Variants in MYH14 observed in about 807,000 individuals in gnomAD.
The protein encoded by MYH14 is myosin-14.
A neutral mutation model predicts 255.5 loss-of-function variants in MYH14; 123 were observed. The observed-to-expected ratio is 0.48, with a 90% CI of 0.42 to 0.56. MYH14 has a LOEUF of 0.56. Among genes scored for constraint, MYH14 ranks in the 20% least tolerant of loss-of-function variants. The probability of loss-of-function intolerance (pLI) is 0.00; values close to 1 mark genes in which losing one functional copy is unlikely to be tolerated. For synonymous variants in MYH14, 1,095 were observed against 1,161.2 expected, an observed-to-expected ratio of 0.94 and a Z score of 1.16; for missense variants, 2,423 against 2,802.3, an observed-to-expected ratio of 0.86 and a Z score of 3.06.
At chr19:50,262,671 G>T (rs1296202775) in intron 21 of MYH14, among the ~76,000 whole-genome samples, 1 of 152,042 alleles carries the variant, frequency 6.6e-6, no homozygotes, top group African/African-American at 2.4e-5. Context: ...GTCAGCTCTG[G>T]GTGTAGAAAG....
At chr19:50,303,611 A>G (rs572044483) in intron 40 of MYH14, among the ~76,000 whole-genome samples, 1 of 150,780 alleles carries the variant, frequency 6.6e-6, no homozygotes, top group East Asian at 1.9e-4. Context: ...AGGGGTGAGA[A>G]CTGGGACCAT....
chr19:50,261,459 C>G lies in MYH14; in HGVS notation c.2425-16C>G. 1 of 1,401,246 alleles carries G rather than the reference C, an allele frequency of 7.1e-7. No individual in the cohort carries two copies. Among genetic ancestry groups the G allele is most frequent in the South Asian group, 1.4e-5 (1 of 71,612 alleles). 86.8% of individuals were successfully genotyped at this position (1,401,246 alleles called of 1,614,324 possible). On this transcript the variant is annotated splice_polypyrimidine_tract_variant and intron_variant, in intron 20 of 42. Transcript: ENST00000642316. ...TCACCCCCTCTCCGTCATCACCCCT[C>G]TCCCACCCCTCACAGATCCAGGCGC... is the stretch of plus-strand genomic sequence containing the variant.
intron 21 of MYH14, among the ~76,000 whole-genome samples, chr19:50,262,709 T>C (rs569500756): frequency 3.3e-5 from 5 of 151,576 alleles, no homozygotes; most frequent in South Asian, 4.2e-4. Flanking sequence ...TGGGATGGGC[T>C]GATAGGAGAG....
chr19:50,286,479 A>T lies in MYH14; in HGVS notation c.4540-3A>T. 1 of 1,610,628 alleles carries T rather than the reference A, an allele frequency of 6.2e-7. No homozygotes were observed. The highest frequency in any genetic ancestry group is 1.1e-5 in the South Asian group (1 of 90,586). On this transcript the variant is annotated splice_region_variant and splice_polypyrimidine_tract_variant and intron_variant, in intron 33 of 42. Coordinates refer to ENST00000642316, the MANE Select transcript of MYH14 (RefSeq NM_001145809.2). ...CCCTACCCCATCTCCCTCAAACTGG[A>T]AGCTTCTGGCAGAGGAGAAGGCAGC...
chr19:50,279,929 C>T (rs2035648626), intron 30 of MYH14, 108 bp from the exon 31 acceptor site: 1 of 836,810 alleles, frequency 1.2e-6, no homozygotes, highest in Non-Finnish European at 2.0e-6. Flanking sequence ...TTTTCCACGG[C>T]AGCTGTAACA....
chr19:50,309,768 C>A lies in MYH14; in HGVS notation c.6089C>A (p.Ser2030Tyr), dbSNP rs1011828838. 6.4e-7 allele frequency: 1 copy of A among 1,572,988 alleles called. No homozygotes were observed. Among genetic ancestry groups the A allele is most frequent in the Admixed American group, 1.8e-5 (1 of 55,692 alleles). The change falls in exon 43 of 43, where the codon TCC becomes TAC. Residue 2030 changes from serine to tyrosine, a missense_variant. Ser to Tyr is a moderately radical substitution (Grantham distance 144, BLOSUM62 -2). Coordinates refer to ENST00000642316, the MANE Select transcript of MYH14 (RefSeq NM_001145809.2). ...GGGCCATCCCCGGAGCCTGAGGGGTCCCCACCAGCCCACCCCCAGTGACCC... is the reference window on the plus strand; with the variant it reads ...GGGCCATCCCCGGAGCCTGAGGGGTACCCACCAGCCCACCCCCAGTGACCC... ...GSGPSPEPEG[S>Y]PPAHPQ
chr19:50,291,063 G>A lies in MYH14; in HGVS notation c.5127+15G>A. 1 of 1,610,740 alleles carries A rather than the reference G, an allele frequency of 6.2e-7. No homozygotes were observed. The highest frequency in any genetic ancestry group is 1.7e-5 in the Admixed American group (1 of 59,718). On this transcript the variant is annotated intron_variant, in intron 36 of 42. Coordinates refer to ENST00000642316, the MANE Select transcript of MYH14 (RefSeq NM_001145809.2). The stretch of plus-strand genomic sequence containing the variant: ...GCAAGATGCAGGTAAGAGCCGGCGT[G>A]AGCTGCAGGGAGGGGAGGCTTTGGT...
At chr19:50,225,397 G>A (rs1249092853) in intron 6 of MYH14, among the ~76,000 whole-genome samples, 188 bp from the exon 7 acceptor site, 1 of 152,196 alleles carries the variant, frequency 6.6e-6, no homozygotes, top group East Asian at 1.9e-4. Flanking sequence ...TCTTGGAGAT[G>A]CTTCCCTCTT....
chr19:50,216,896 C>T (rs1051920312), intron 2 of MYH14, among the ~76,000 whole-genome samples: 16 of 151,034 alleles, frequency 1.1e-4, no homozygotes, highest in African/African-American at 3.7e-4. Context: ...CAACCTCCGC[C>T]TGCCAGGTTC....
At chr19:50,231,631 T>C (rs576335322) in intron 9 of MYH14, among the ~76,000 whole-genome samples, 3 of 152,134 alleles carry the variant, frequency 2.0e-5, no homozygotes, top group Admixed American at 2.0e-4. Flanking sequence ...GAGGATTGCT[T>C]GAGCCCAGGA....
intron 2 of MYH14, among the ~76,000 whole-genome samples, chr19:50,216,801 CT>C (rs200626930): frequency 4.6e-3 from 519 of 112,706 alleles, no homozygotes; most frequent in East Asian, 0.016. Flanking sequence ...TCCATCCTTT[CT>C]TTTTTTTTTT....
chr19:50,251,797 C>T (rs145465932), intron 15 of MYH14, among the ~76,000 whole-genome samples: 2,115 of 152,210 alleles, frequency 0.014, 47 homozygotes, highest in African/African-American at 0.047. Flanking sequence ...AGGCTGCTCT[C>T]GAACTCCTGA....
intron 25 of MYH14, 82 bp from the exon 26 acceptor site, chr19:50,271,767 A>G (rs2035309975): frequency 6.3e-7 from 1 of 1,581,856 alleles, no homozygotes; most frequent in African/African-American, 1.4e-5. Context: ...AGATGAGAAC[A>G]ACACCAGAAG....
At chr19:50,289,707 A>G in intron 35 of MYH14, 59 bp downstream of exon 35, 1 of 1,491,614 alleles carries the variant, frequency 6.7e-7, no homozygotes, top group Non-Finnish European at 9.1e-7. Flanking sequence ...CATGGTGTGT[A>G]CAGGCAGCAA....
At chr19:50,289,771 G>C in intron 35 of MYH14, 123 bp downstream of exon 35, 1 of 833,972 alleles carries the variant, frequency 1.2e-6, no homozygotes, top group Non-Finnish European at 1.9e-6. Flanking sequence ...TCCTCCACCC[G>C]CCGACCACTC....
chr19:50,276,522 C>T lies in MYH14; in HGVS notation c.3681-235C>T, dbSNP rs994268117. Among the ~76,000 whole-genome samples the T allele has an allele frequency of 6.6e-6, 1 of 152,076 alleles. No homozygotes were observed. Among genetic ancestry groups the T allele is most frequent in the African/African-American group, 2.4e-5 (1 of 41,398 alleles). ...CCCCTAAACCAAGTCTATGGGAGATCCAGGAAGACTTTCCTGAGGAAGGGC... is the reference window on the plus strand; with the variant it reads ...CCCCTAAACCAAGTCTATGGGAGATTCAGGAAGACTTTCCTGAGGAAGGGC... On this transcript the variant is annotated intron_variant, in intron 28 of 42. Coordinates refer to ENST00000642316, the MANE Select transcript of MYH14 (RefSeq NM_001145809.2). This position sits in a 1 kb window ranked among gnomAD's most constrained non-coding sequence, Gnocchi z 4.3.
chr19:50,224,269 C>A, intron 6 of MYH14, 92 bp downstream of exon 6: 1 of 1,553,180 alleles, frequency 6.4e-7, no homozygotes, highest in Non-Finnish European at 8.9e-7. Flanking sequence ...GGGCCCAAGG[C>A]AGCAGTGGTC....
intron 10 of MYH14, 117 bp downstream of exon 10, chr19:50,232,187 G>A (rs374547269): frequency 7.8e-7 from 1 of 1,288,496 alleles, no homozygotes; most frequent in South Asian, 1.4e-5. Flanking sequence ...ACTGGGTGCA[G>A]GCACCGGGGC....
intron 37 of MYH14, among the ~76,000 whole-genome samples, chr19:50,292,703 C>T (rs548084637): frequency 2.6e-5 from 4 of 152,178 alleles, no homozygotes; most frequent in Non-Finnish European, 4.4e-5. Flanking sequence ...AGATCCAGAA[C>T]AGAGGATGGG....
Sources: allele counts gnomAD v4.1 joint callset (sites outside exome capture counted in the v4.1 genomes callset), GRCh38; gene constraint gnomAD v4.1.1; non-coding constraint Gnocchi (gnomAD v3.1); transcripts MANE v1.5; gene names NCBI Gene and HGNC (gene_info 2026-07-23, HGNC 2026-07-21).